TJP3: variants seen among roughly 807,000 people sequenced by gnomAD.
TJP3 encodes tight junction protein 3.
Under a neutral mutation model 104.2 loss-of-function variants are expected in TJP3, and 85 were observed. The ratio of observed to expected loss-of-function variants is 0.82; its 90% CI spans 0.68 to 0.98. The LOEUF is 0.98. Ranked by LOEUF, TJP3 falls within the 50% of genes least tolerant of loss-of-function variation. TJP3 has a pLI of 0.00. For synonymous variants in TJP3, 550 were observed against 550.6 expected, an observed-to-expected ratio of 1.00 and a Z score of 0.02; for missense variants, 1,367 against 1,322.8, an observed-to-expected ratio of 1.03 and a Z score of -0.52.
chr19:3,739,723 G>A lies in TJP3; in HGVS notation c.1631+589G>A, dbSNP rs2036787144. Among the ~76,000 whole-genome samples the A allele has an allele frequency of 2.0e-5, 3 of 152,160 alleles. No individual in the cohort carries two copies. The South Asian group carries it at 6.2e-4, about 32-fold the overall frequency. ...ATGGGCAGGCCTGGGCCCTCCCAGA[G>A]GCTCCAGGAGAAAACCAATTTTCCA... On this transcript the variant is annotated intron_variant, in intron 13 of 20. Coordinates refer to ENST00000541714, the MANE Select transcript of TJP3 (RefSeq NM_001267560.2).
intron 1 of TJP3, among the ~76,000 whole-genome samples, chr19:3,710,878 G>T (rs1045425190): frequency 6.6e-6 from 1 of 152,112 alleles, no homozygotes; most frequent in African/African-American, 2.4e-5. Context: ...GGTAACATGC[G>T]TGAGAGGCGC....
chr19:3,744,927 C>T (rs1037809650), intron 15 of TJP3, among the ~76,000 whole-genome samples: 1 of 151,392 alleles, frequency 6.6e-6, no homozygotes, highest in African/African-American at 2.4e-5. Context: ...GACCCTGTCT[C>T]GAAATAAAAA....
intron 3 of TJP3, among the ~76,000 whole-genome samples, chr19:3,729,771 G>C (rs1667139072): frequency 8.0e-6 from 1 of 125,446 alleles, no homozygotes; most frequent in South Asian, 2.8e-4. Context: ...AACAGAGTGA[G>C]ACTCTGTCTC....
chr19:3,728,857 A>T, intron 3 of TJP3, 144 bp downstream of exon 3: 1 of 816,048 alleles, frequency 1.2e-6, no homozygotes, highest in Non-Finnish European at 1.9e-6. Flanking sequence ...GTTTGAGACC[A>T]GCCTGGCCAA....
rs759918504 is a variant in TJP3 at position 3,750,718 on chromosome 19, T to C, written c.*34T>C. 4.2e-5 allele frequency: 65 copies of C among 1,536,510 alleles called. No homozygotes were observed. In the Admixed American group the frequency reaches 1.1e-3, roughly 26 times the overall value. On this transcript the variant is annotated 3_prime_UTR_variant, in exon 21 of 21. Transcript: ENST00000541714. Reference sequence around the variant, plus strand: ...AGGCTGCCAGCTGGTCCGTCCTCCTTCTCCCTCCCTGGGGCTGGGACTCAG... The same window carrying C: ...AGGCTGCCAGCTGGTCCGTCCTCCTCCTCCCTCCCTGGGGCTGGGACTCAG...
intron 1 of TJP3, among the ~76,000 whole-genome samples, chr19:3,727,659 G>A (rs2036614381): frequency 6.6e-6 from 1 of 151,994 alleles, no homozygotes; most frequent in South Asian, 2.1e-4. Context: ...AAAAATCTCT[G>A]CCCTCTGTGG....
At chr19:3,749,998 G>A (rs953049138) in intron 19 of TJP3, 140 bp from the exon 20 acceptor site, 8 of 1,014,806 alleles carry the variant, frequency 7.9e-6, no homozygotes, top group Middle Eastern at 2.2e-4. Flanking sequence ...ATTTGGGGAT[G>A]ACCTGCAGAC....
intron 1 of TJP3, chr19:3,721,881 C>T (rs2036545543): frequency 8.1e-7 from 1 of 1,229,048 alleles, no homozygotes. Context: ...CTGGAGAGCC[C>T]CCAGGTGGAC....
In TJP3 at chr19:3,748,025, G is replaced by C. The variant is rs1232695520; in HGVS notation, c.2554G>C (p.Asp852His). 2 of 1,604,206 alleles carry C rather than the reference G, an allele frequency of 1.2e-6. No homozygotes were observed. The highest frequency in any genetic ancestry group is 8.5e-7 in the Non-Finnish European group (1 of 1,175,878). Residue 852 changes from aspartate to histidine, a missense_variant, in exon 19 of 21, where the codon GAT (aspartate) becomes CAT (histidine). Coordinates refer to ENST00000541714, the MANE Select transcript of TJP3 (RefSeq NM_001267560.2). ...LARSSEPVQA[D>H]ESQSPRDRGR... Reference sequence around the variant, plus strand: ...CCGGTCCTCGGAGCCCGTGCAGGCAGATGAGTCCCAGAGCCCGAGGGATCG... The same window carrying C: ...CCGGTCCTCGGAGCCCGTGCAGGCACATGAGTCCCAGAGCCCGAGGGATCG...
At chr19:3,739,351 G>T (rs570567387) in intron 13 of TJP3, among the ~76,000 whole-genome samples, 2 of 152,170 alleles carry the variant, frequency 1.3e-5, no homozygotes, top group Non-Finnish European at 2.9e-5. Flanking sequence ...TTAGCTGGGC[G>T]TGGTGGCACA....
chr19:3,732,006 C>G lies in TJP3; in HGVS notation c.685C>G (p.Arg229Gly), dbSNP rs137857763. The change falls in exon 6 of 21, where the codon CGT (arginine) becomes GGT (glycine). Residue 229 changes from arginine (R) to glycine (G), a missense_variant. Coordinates refer to ENST00000541714, the MANE Select transcript of TJP3 (RefSeq NM_001267560.2). ...AGATTCGGGCCTGGCTGCCCGGCAC[C>G]GTGGGCTGCAGGAAGGAGATCTCAT... Reference protein sequence around the residue: ...ITDSGLAARHRGLQEGDLILQ... With the variant: ...ITDSGLAARHGGLQEGDLILQ... 1.2e-6 allele frequency: 2 copies of G among 1,613,270 alleles called. No individual in the cohort carries two copies. Among genetic ancestry groups the G allele is most frequent in the East Asian group, 4.5e-5 (2 of 44,862 alleles).
Position 3,740,608 on chromosome 19 carries a change from G to A in TJP3, c.1688G>A (p.Gly563Asp). ...CAGAGGGCCGTGGGAGTCGGGCCCG[G>A]CTCCTCCGCGGGCTCCAATGCTCGG... ...AAQRAVGVGP[G>D]SSAGSNARAE... Residue 563 changes from glycine to aspartate, a missense_variant, in exon 14 of 21, where the codon GGC (glycine) becomes GAC (aspartate). Coordinates refer to ENST00000541714, the MANE Select transcript of TJP3 (RefSeq NM_001267560.2). 1 of 1,564,154 alleles carries A rather than the reference G, an allele frequency of 6.4e-7. No individual in the cohort carries two copies.
chr19:3,738,586 G>A lies in TJP3; in HGVS notation c.1316G>A (p.Arg439Gln), dbSNP rs368423278. 6 of 1,613,710 alleles carry A rather than the reference G, an allele frequency of 3.7e-6. No homozygotes were observed. The highest frequency in any genetic ancestry group is 3.3e-5 in the Admixed American group (2 of 59,966). ...GACGTGCCATTCCAGAACCTGACAC[G>A]GGAGGAGGCAGTGCAGTTCCTGCTG... ...VNDVPFQNLT[R>Q]EEAVQFLLGL... The change falls in exon 12 of 21, where the codon CGG (arginine) becomes CAG (glutamine). Residue 439 changes from arginine to glutamine, a missense_variant. By Grantham distance (43) the Arg-to-Gln change is conservative. Coordinates refer to ENST00000541714, the MANE Select transcript of TJP3 (RefSeq NM_001267560.2).
intron 8 of TJP3, 110 bp downstream of exon 8, chr19:3,734,545 C>T (rs879296689): frequency 7.5e-5 from 72 of 966,256 alleles, no homozygotes; most frequent in Non-Finnish European, 9.7e-5. Context: ...AGGACGCAGT[C>T]CTGTATTTCT....
In TJP3 at chr19:3,738,991, C is replaced by T; in HGVS notation, c.1488C>T (p.Phe496=). ...LEPSPPSGLG[F]TRGDVFHVLD... ...CCAGTCCACCGTCTGGCCTGGGCTTCACCCGTGGCGACGTCTTCCACGTGC... is the reference window on the plus strand; with the variant it reads ...CCAGTCCACCGTCTGGCCTGGGCTTTACCCGTGGCGACGTCTTCCACGTGC... Residue 496 remains phenylalanine, a synonymous_variant, in exon 13 of 21, where the codon TTC becomes TTT. Coordinates refer to ENST00000541714, the MANE Select transcript of TJP3 (RefSeq NM_001267560.2). 6.2e-7 allele frequency: 1 copy of T among 1,613,240 alleles called. No individual in the cohort carries two copies. The highest frequency in any genetic ancestry group is 8.5e-7 in the Non-Finnish European group (1 of 1,179,858).
intron 1 of TJP3, among the ~76,000 whole-genome samples, chr19:3,717,350 G>GAATGCAGGATTTTCTACCAGCT (rs2036488906): frequency 8.1e-6 from 1 of 123,606 alleles, no homozygotes; most frequent in African/African-American, 2.5e-5. Context: ...TGATTCGGCC[G>GAATGCAGGATTTTCTACCAGCT]CCTTGGCCAT....
intron 15 of TJP3, among the ~76,000 whole-genome samples, chr19:3,745,604 T>G (rs997437402): frequency 6.6e-6 from 1 of 152,158 alleles, no homozygotes; most frequent in African/African-American, 2.4e-5. Context: ...AGAAGACAGA[T>G]AGGGGCAAGA....
chr19:3,748,019 C>T lies in TJP3; in HGVS notation c.2548C>T (p.Gln850Ter), dbSNP rs1568389364. Residue 850 changes from glutamine (Q) to a stop codon, truncating the protein, a stop_gained, in exon 19 of 21, where the codon CAG becomes TAG. Transcript: ENST00000541714. LOFTEE classifies it high-confidence loss of function. The part of the protein sequence containing the change: ...PALARSSEPV[Q>*]ADESQSPRDR... ...CCTGGCCCGGTCCTCGGAGCCCGTG[C>T]AGGCAGATGAGTCCCAGAGCCCGAG... 1.2e-6 allele frequency: 2 copies of T among 1,605,644 alleles called. No individual in the cohort carries two copies. The highest frequency in any genetic ancestry group is 1.7e-6 in the Non-Finnish European group (2 of 1,176,588).
At chr19:3,747,408 G>A (rs969642326) in intron 18 of TJP3, among the ~76,000 whole-genome samples, 4 of 151,796 alleles carry the variant, frequency 2.6e-5, no homozygotes, top group Non-Finnish European at 5.9e-5. Flanking sequence ...GGGAGCTCAC[G>A]CCCATGGTCC....
Sources: allele counts gnomAD v4.1 joint callset (sites outside exome capture counted in the v4.1 genomes callset), GRCh38; gene constraint gnomAD v4.1.1; transcripts MANE v1.5; gene names NCBI Gene and HGNC (gene_info 2026-07-23, HGNC 2026-07-21).